WDR4: variants seen among roughly 807,000 people sequenced by gnomAD.
WDR4 encodes tRNA (guanine-N(7)-)-methyltransferase non-catalytic subunit WDR4.
Under a neutral mutation model 48.6 loss-of-function variants are expected in WDR4, and 47 were observed. That is an observed-to-expected ratio of 0.97 (90% CI 0.77 to 1.23). WDR4 has a LOEUF of 1.23. Ranked by LOEUF, WDR4 falls within the 50% of genes most tolerant of loss-of-function variation. The probability of loss-of-function intolerance (pLI) is 0.00; values close to 1 mark genes in which losing one functional copy is unlikely to be tolerated. For synonymous variants in WDR4, 268 were observed against 230.0 expected (o/e 1.17, Z -1.49); for missense variants, 606 against 551.6 (o/e 1.10, Z -0.99).
At position 42,853,701 on chromosome 21, in the gene WDR4, C is replaced by T. The variant is rs753861419; in HGVS notation, c.843G>A (p.Val281=). The T allele has an allele frequency of 2.2e-5, 35 of 1,574,478 alleles. No homozygotes were observed. The East Asian group carries it at 6.9e-4, about 31-fold the overall frequency. ...GCTGGAACGCCAGCTGCTGCCTGTACACCAACTGCTGTCTGCGGGCGTCCA... is the reference window on the plus strand; with the variant it reads ...GCTGGAACGCCAGCTGCTGCCTGTATACCAACTGCTGTCTGCGGGCGTCCA... The part of the protein sequence containing the change: ...FQLDARRQQL[V]YRQQLAFQHQ... Residue 281 remains valine (V), a synonymous_variant, in exon 9 of 11, where the codon GTG becomes GTA. Transcript: ENST00000398208.
chr21:42,843,252 A>C (rs573412404), exon 12 of WDR4: 1 of 152,170 alleles, frequency 6.6e-6, no homozygotes, highest in Non-Finnish European at 1.5e-5. Flanking sequence ...CGGATCGCAC[A>C]TAAGTGGTCC....
At chr21:42,853,477 A>ACC (rs894237337) in intron 9 of WDR4, 92 bp downstream of exon 9, 4 of 1,388,044 alleles carry the variant, frequency 2.9e-6, no homozygotes, top group Non-Finnish European at 2.9e-6. Flanking sequence ...AAAGAGGCTT[A>ACC]CCCATGGACC....
At chr21:42,888,379 T>C in the WDR4 span, among the ~76,000 whole-genome samples, 1 of 152,228 alleles carries the variant, frequency 6.6e-6, no homozygotes, top group East Asian at 1.9e-4. Context: ...GGCAACATGG[T>C]GAAACCCTGT....
downstream of WDR4, among the ~76,000 whole-genome samples, chr21:42,847,965 T>G (rs551239003): frequency 1.3e-5 from 2 of 152,332 alleles, no homozygotes; most frequent in South Asian, 4.1e-4. Flanking sequence ...CCAGGCTGCT[T>G]GTACAGGACA....
intron 2 of WDR4, among the ~76,000 whole-genome samples, chr21:42,875,784 C>T (rs1027540488): frequency 3.3e-5 from 5 of 152,226 alleles, no homozygotes; most frequent in South Asian, 2.1e-4. Context: ...GAAACACTCA[C>T]ATGCTCTACT....
At chr21:42,873,260 C>G (rs2058412400) in intron 3 of WDR4, among the ~76,000 whole-genome samples, 1 of 152,190 alleles carries the variant, frequency 6.6e-6, no homozygotes, top group South Asian at 2.1e-4. Context: ...GGTGGAGGGA[C>G]CAGCAGCAGG....
intron 1 of WDR4, chr21:42,879,117 A>C: frequency 8.3e-7 from 1 of 1,201,094 alleles, no homozygotes; most frequent in Non-Finnish European, 1.0e-6. Context: ...GGAGACCGGA[A>C]GCGACCCGGC....
At chr21:42,878,574 A>G (rs1390038533) in intron 1 of WDR4, among the ~76,000 whole-genome samples, 1 of 152,230 alleles carries the variant, frequency 6.6e-6, no homozygotes, top group Admixed American at 6.5e-5. Flanking sequence ...TCTGACAGAC[A>G]CGTCGTCCGT....
rs2298666 is a variant in WDR4, at chr21:42,854,532, G to A, written c.791+30C>T. On this transcript the variant is annotated intron_variant, in intron 8 of 10. Coordinates refer to ENST00000398208, the MANE Select transcript of WDR4 (RefSeq NM_018669.6). ...CTTCCCCCTGCAGGTCTGCAGAACCGGAGGCCATAGAGGTGCCGCCGCAGC... is the reference window on the plus strand; with the variant it reads ...CTTCCCCCTGCAGGTCTGCAGAACCAGAGGCCATAGAGGTGCCGCCGCAGC... 0.068 allele frequency: 108,332 copies of A among 1,603,926 alleles called. 4,285 individuals are homozygous for A. Among genetic ancestry groups the A allele is most frequent in the East Asian group, 0.16 (6,956 of 44,660 alleles).
At chr21:42,889,512 A>G in the WDR4 span, among the ~76,000 whole-genome samples, 296 of 152,104 alleles carry the variant, frequency 1.9e-3, no homozygotes, top group Middle Eastern at 3.4e-3. Flanking sequence ...CCCACTCCCA[A>G]GTGTTCTAGC....
chr21:42,877,767 G>A (rs1054121646), intron 1 of WDR4, among the ~76,000 whole-genome samples: 3 of 152,048 alleles, frequency 2.0e-5, no homozygotes, highest in African/African-American at 7.2e-5. Context: ...ATTACGGGCC[G>A]GGCGCGGTGG....
chr21:42,866,759 ACT>A (rs1401726253), intron 3 of WDR4, among the ~76,000 whole-genome samples: 1 of 151,804 alleles, frequency 6.6e-6, no homozygotes, highest in Non-Finnish European at 1.5e-5. Flanking sequence ...CCAATTTCTC[ACT>A]GAGAGAAAGG....
intron 3 of WDR4, among the ~76,000 whole-genome samples, chr21:42,868,690 T>A (rs2058304472): frequency 2.0e-5 from 3 of 152,210 alleles, no homozygotes; most frequent in Admixed American, 1.3e-4. Context: ...GGCAGGGGCC[T>A]GGGGCCACAA....
chr21:42,892,652 A>T, the WDR4 span, among the ~76,000 whole-genome samples: 1 of 152,228 alleles, frequency 6.6e-6, no homozygotes, highest in African/African-American at 2.4e-5. Flanking sequence ...CTAATAACTA[A>T]TTACACCGAC....
intron 10 of WDR4, 44 bp downstream of exon 10, chr21:42,852,211 C>G (rs748239533): frequency 6.2e-7 from 1 of 1,607,842 alleles, no homozygotes; most frequent in Admixed American, 1.7e-5. Flanking sequence ...CTGGGGACCG[C>G]GCTGGGTGTG....
Position 42,852,389 on chromosome 21 carries a change from G to A in WDR4, c.976-65C>T, listed in dbSNP as rs369625485. 17 of 1,553,258 alleles carry A rather than the reference G, an allele frequency of 1.1e-5. 1 individual carries two copies. Among genetic ancestry groups the A allele is most frequent in the South Asian group, 3.5e-5 (3 of 86,948 alleles). On this transcript the variant is annotated intron_variant, in intron 9 of 10. Coordinates refer to ENST00000398208, the MANE Select transcript of WDR4 (RefSeq NM_018669.6). ...AGGCCTGGAAACCCAGCACCAGGAC[G>A]CAACACATGCTGGCCAGAGAGGCTT... is the stretch of plus-strand genomic sequence containing the variant.
chr21:42,868,622 C>T (rs2058302125), intron 3 of WDR4, among the ~76,000 whole-genome samples: 1 of 152,234 alleles, frequency 6.6e-6, no homozygotes, highest in South Asian at 2.1e-4. Flanking sequence ...TTGCCTTTGG[C>T]CTCATCTCCA....
At chr21:42,863,922 C>T (rs75318200) in intron 3 of WDR4, among the ~76,000 whole-genome samples, 1,759 of 81,906 alleles carry the variant, frequency 0.021, 111 homozygotes, top group Non-Finnish European at 0.02. Flanking sequence ...CTGGCTAACA[C>T]GGTGAAAACC....
chr21:42,863,640 G>C, intron 3 of WDR4, 44 bp from the exon 4 acceptor site: 1 of 1,591,198 alleles, frequency 6.3e-7, no homozygotes, highest in East Asian at 2.3e-5. Flanking sequence ...CAGGAGCAGC[G>C]CAGGGTCCTC....
Sources: allele counts gnomAD v4.1 joint callset (sites outside exome capture counted in the v4.1 genomes callset), GRCh38; gene constraint gnomAD v4.1.1; transcripts MANE v1.5; gene names NCBI Gene and HGNC (gene_info 2026-07-23, HGNC 2026-07-21).